Variants in PLXNA4 observed in about 807,000 individuals in gnomAD.
PLXNA4 encodes the protein plexin A4.
Under a neutral mutation model 191.8 loss-of-function variants are expected in PLXNA4, and 44 were observed. The observed-to-expected ratio is 0.23, with a 90% CI of 0.18 to 0.29. The LOEUF (loss-of-function observed/expected upper bound fraction) is 0.29, where lower values mean the gene tolerates loss of function less well. Among genes scored for constraint, PLXNA4 ranks in the 10% least tolerant of loss-of-function variants. The pLI is 1.00. For synonymous variants in PLXNA4, 1,082 were observed against 1,009.5 expected (o/e 1.07, Z -1.36); for missense variants, 1,800 against 2,488.8 (o/e 0.72, Z 5.89).
intron 4 of PLXNA4, among the ~76,000 whole-genome samples, chr7:132,242,129 G>A (rs559493655): frequency 6.0e-5 from 9 of 150,194 alleles, no homozygotes; most frequent in Middle Eastern, 3.5e-3. Flanking sequence ...CCGTTTTGCC[G>A]GTTTTTTTCT....
intron 3 of PLXNA4, among the ~76,000 whole-genome samples, chr7:132,303,660 A>G (rs1801400237): frequency 6.6e-6 from 1 of 152,190 alleles, no homozygotes; most frequent in Non-Finnish European, 1.5e-5. Flanking sequence ...ACCAAGGAGG[A>G]AACCACATCC....
chr7:132,259,235 C>T (rs1799535625), intron 4 of PLXNA4, among the ~76,000 whole-genome samples: 1 of 151,834 alleles, frequency 6.6e-6, no homozygotes, highest in South Asian at 2.1e-4. Context: ...ACTTATTTCT[C>T]AGTACAGCTG....
intron 3 of PLXNA4, among the ~76,000 whole-genome samples, chr7:132,342,116 A>G (rs1186698784): frequency 6.6e-6 from 1 of 151,622 alleles, no homozygotes; most frequent in Non-Finnish European, 1.5e-5. Flanking sequence ...CAAGGAGACC[A>G]CCTAAGCCAG....
intron 2 of PLXNA4, among the ~76,000 whole-genome samples, chr7:132,630,407 A>G (rs771796708): frequency 6.6e-6 from 1 of 152,236 alleles, no homozygotes; most frequent in Non-Finnish European, 1.5e-5. Flanking sequence ...TTTCTCCAGC[A>G]GAGTTTTCAC....
intron 2 of PLXNA4, among the ~76,000 whole-genome samples, chr7:132,583,145 C>T (rs1007349486): frequency 3.3e-5 from 5 of 152,150 alleles, no homozygotes; most frequent in African/African-American, 4.8e-5. Flanking sequence ...AAAGTTGTGC[C>T]GAGTCCTGTT....
At chr7:132,473,264 C>T (rs1796997393) in intron 3 of PLXNA4, among the ~76,000 whole-genome samples, 1 of 152,176 alleles carries the variant, frequency 6.6e-6, no homozygotes, top group African/African-American at 2.4e-5. Flanking sequence ...TTTCTGGCTT[C>T]CTTAGCCGGA....
intron 31 of PLXNA4, among the ~76,000 whole-genome samples, chr7:132,131,353 T>C (rs1351675760): frequency 6.6e-6 from 1 of 152,112 alleles, no homozygotes; most frequent in African/African-American, 2.4e-5. Flanking sequence ...CTCAACGTCC[T>C]CAACTGTTAA....
intron 1 of PLXNA4, among the ~76,000 whole-genome samples, chr7:132,525,044 C>T (rs1215663894): frequency 1.3e-5 from 2 of 152,100 alleles, no homozygotes; most frequent in Non-Finnish European, 1.5e-5. Context: ...AAACTGAAAC[C>T]CTGTACCCAT....
chr7:132,408,133 G>A (rs1261460568), intron 3 of PLXNA4, among the ~76,000 whole-genome samples: 3 of 152,082 alleles, frequency 2.0e-5, no homozygotes, highest in African/African-American at 4.8e-5. Context: ...CAGTAGGAGA[G>A]TGGGTAAGTA....
chr7:132,643,416 C>T (rs1277185742), intron 2 of PLXNA4, among the ~76,000 whole-genome samples: 1 of 151,934 alleles, frequency 6.6e-6, no homozygotes, highest in African/African-American at 2.4e-5. Flanking sequence ...ACTTGACCCC[C>T]CAGCCCCCAC....
At position 132,133,168 on chromosome 7, in the gene PLXNA4, T is replaced by C. The variant is rs1369739483; in HGVS notation, c.5470A>G (p.Ile1824Val). ...TATGCGTTCATGTCTTGGTCGCTGA[T>C]GGCTGGCATCTTCCCTATGTCTGAG... ...YYSDIGKMPA[I>V]SDQDMNAYLA... The change falls in exon 31 of 32, where the codon ATC becomes GTC. Residue 1824 changes from isoleucine to valine, a missense_variant. Coordinates refer to ENST00000321063, the MANE Select transcript of PLXNA4 (RefSeq NM_020911.2). 1.9e-6 allele frequency: 3 copies of C among 1,614,188 alleles called. No homozygotes were observed. Among genetic ancestry groups the C allele is most frequent in the South Asian group, 2.2e-5 (2 of 91,074 alleles).
At chr7:132,205,143 T>TAGAACTCAATCATCAC (rs1562919753) in intron 10 of PLXNA4, among the ~76,000 whole-genome samples, 1 of 152,208 alleles carries the variant, frequency 6.6e-6, no homozygotes, top group Non-Finnish European at 1.5e-5. Flanking sequence ...TTGATCATCA[T>TAGAACTCAATCATCAC]AGAACTCAAT....
Position 132,392,425 on chromosome 7 carries a change from C to T in PLXNA4, c.1372-94203G>A, listed in dbSNP as rs573037353. On this transcript the variant is annotated intron_variant, in intron 3 of 31. Transcript: ENST00000321063. ...TTTCAGACTCACTCTCTGAAAAGTG[C>T]GGACACTGTTTCTCCCAATCTGTCC... is the stretch of plus-strand genomic sequence containing the variant. Among the ~76,000 whole-genome samples, 24 of 152,300 alleles carry T rather than the reference C, an allele frequency of 1.6e-4. No individual in the cohort carries two copies. The South Asian group carries it at 3.7e-3, about 24-fold the overall frequency.
intron 3 of PLXNA4, chr7:132,385,092 G>A: frequency 6.4e-7 from 1 of 1,552,854 alleles, no homozygotes; most frequent in Non-Finnish European, 8.7e-7. Context: ...GTATGGCTGG[G>A]GTCACAGGGA....
At chr7:132,553,410 G>A (rs533943002) in intron 1 of PLXNA4, among the ~76,000 whole-genome samples, 3 of 152,282 alleles carry the variant, frequency 2.0e-5, no homozygotes, top group African/African-American at 4.8e-5. Flanking sequence ...AAGCCAAGGG[G>A]TGATGGTCAT....
rs146089065 is a variant in PLXNA4 at position 132,321,791 on chromosome 7, A to G, written c.1372-23569T>C. ...GGCCCTTTGGAGAGGGCCAAGGTGC[A>G]TATATTGGGGAGCCTGTATGCGGGT... On this transcript the variant is annotated intron_variant, in intron 3 of 31. Transcript: ENST00000321063. Among the ~76,000 whole-genome samples the G allele has an allele frequency of 2.1e-3, 321 of 152,188 alleles. 1 individual carries two copies. Among genetic ancestry groups the G allele is most frequent in the African/African-American group, 7.6e-3 (314 of 41,520 alleles).
At chr7:132,522,820 TG>T (rs1190509733) in intron 1 of PLXNA4, among the ~76,000 whole-genome samples, 1 of 152,106 alleles carries the variant, frequency 6.6e-6, no homozygotes, top group Non-Finnish European at 1.5e-5. Flanking sequence ...GAGTCATCAC[TG>T]GGGATTGTAT....
intron 3 of PLXNA4, among the ~76,000 whole-genome samples, chr7:132,469,502 G>A (rs918411972): frequency 6.6e-6 from 1 of 152,224 alleles, no homozygotes; most frequent in African/African-American, 2.4e-5. Flanking sequence ...GTTGCTGGAA[G>A]TGAGTTCTGT....
At chr7:132,605,231 A>T (rs192703964) in intron 2 of PLXNA4, among the ~76,000 whole-genome samples, 1 of 152,238 alleles carries the variant, frequency 6.6e-6, no homozygotes, top group African/African-American at 2.4e-5. Context: ...GCTAAGATCC[A>T]AATCCATGCG....
Sources: gnomAD v4.1 joint callset for allele counts (sites outside exome capture counted in the v4.1 genomes callset) on GRCh38, gnomAD v4.1.1 for gene constraint, MANE v1.5 for transcripts, NCBI Gene and HGNC (gene_info 2026-07-23, HGNC 2026-07-21) for gene names.